Variants in ASH1L observed in about 807,000 individuals in gnomAD.
ASH1L encodes the protein ASH1 like histone lysine methyltransferase, also known as histone-lysine N-methyltransferase ASH1L.
ASH1L carries 23 observed loss-of-function variants against 269.0 expected under a neutral mutation model. That is an observed-to-expected ratio of 0.09 (90% CI 0.06 to 0.12). ASH1L has a LOEUF of 0.12. ASH1L is among the 10% of genes least tolerant of loss of function. The pLI, the probability that ASH1L is intolerant of heterozygous loss-of-function variation, is 1.00. For synonymous variants in ASH1L, 1,187 were observed against 1,253.5 expected, an observed-to-expected ratio of 0.95 and a Z score of 1.12; for missense variants, 2,912 against 3,567.8, an observed-to-expected ratio of 0.82 and a Z score of 4.68.
intron 4 of ASH1L, among the ~76,000 whole-genome samples, chr1:155,458,769 G>T (rs757247218): frequency 2.0e-5 from 3 of 151,768 alleles, no homozygotes; most frequent in Non-Finnish European, 4.4e-5. Flanking sequence ...TCTTTAGTCT[G>T]ACCACACTGG....
At chr1:155,535,555 A>G (rs1669997044) in intron 1 of ASH1L, among the ~76,000 whole-genome samples, 1 of 151,918 alleles carries the variant, frequency 6.6e-6, no homozygotes, top group Non-Finnish European at 1.5e-5. Context: ...CCAAGGCAAT[A>G]GGACTGCTTG....
Position 155,562,686 on chromosome 1 carries a change from C to A in ASH1L, c.-633G>T. ...CGGCCGCCCCGCGCGCCAGCCAGCCCGTACGCGCTCACCCACAGGAACCCC... is the reference window on the plus strand; with the variant it reads ...CGGCCGCCCCGCGCGCCAGCCAGCCAGTACGCGCTCACCCACAGGAACCCC... On this transcript the variant is annotated 5_prime_UTR_variant, in exon 1 of 28. Coordinates refer to ENST00000392403, the MANE Select transcript of ASH1L (RefSeq NM_018489.3). 2.0e-6 allele frequency: 3 copies of A among 1,515,488 alleles called. No individual in the cohort carries two copies. Among genetic ancestry groups the A allele is most frequent in the South Asian group, 1.2e-5 (1 of 83,624 alleles). The allele number at this position is 1,515,488 out of a possible 1,614,324, so 93.9% of individuals were successfully genotyped here. A position where few individuals can be genotyped will look rare whatever the true frequency, so the allele number is the denominator to read the frequency against.
chr1:155,479,051 T>C lies in ASH1L; in HGVS notation c.3819A>G (p.Lys1273=). 6.2e-7 allele frequency: 1 copy of C among 1,614,072 alleles called. No homozygotes were observed. The highest frequency in any genetic ancestry group is 1.1e-5 in the South Asian group (1 of 91,076). The change falls in exon 3 of 28, where the codon AAA becomes AAG. Residue 1273 remains lysine, a synonymous_variant. Transcript: ENST00000392403. ...TATTTCGAAGCTGGGGATATTTCTT[T>C]TTCCGTTTTCGTTTCTGCCTTTTCA... The part of the protein sequence containing the change: ...DKMKRQKRKR[K]KKYPQLRNRQ...
rs190589266 is a variant in ASH1L, at chr1:155,449,819, G to A, written c.5086+9978C>T. ...CAGGCGTGAGCCACTGCGCCCAGCC[G>A]AGAAAAATGTGTTTTATATTTTCCC... On this transcript the variant is annotated intron_variant, in intron 4 of 27. Coordinates refer to ENST00000392403, the MANE Select transcript of ASH1L (RefSeq NM_018489.3). Among the ~76,000 whole-genome samples, 217 of 151,766 alleles carry A rather than the reference G, an allele frequency of 1.4e-3. 1 individual carries two copies. Among genetic ancestry groups the A allele is most frequent in the African/African-American group, 4.5e-3 (185 of 41,450 alleles).
chr1:155,415,991 TA>T (rs375529558), intron 5 of ASH1L, 68 bp from the exon 6 acceptor site: 23,512 of 1,011,512 alleles, frequency 0.023, 756 homozygotes, highest in African/African-American at 0.19. Context: ...ATTGTCTACT[TA>T]AAAAAAAAAA....
intron 5 of ASH1L, among the ~76,000 whole-genome samples, chr1:155,416,821 T>C (rs1026567506): frequency 6.6e-6 from 1 of 151,740 alleles, no homozygotes; most frequent in African/African-American, 2.4e-5. Context: ...CATGAGCCAC[T>C]GTGCCCAGCC....
chr1:155,374,048 G>C (rs1656213635), intron 10 of ASH1L, among the ~76,000 whole-genome samples: 1 of 152,192 alleles, frequency 6.6e-6, no homozygotes, highest in Admixed American at 6.5e-5. Flanking sequence ...AATTTTAAAG[G>C]CCGGGCACGG....
chr1:155,520,460 G>T (rs1458297175), intron 2 of ASH1L: 1 of 151,986 alleles, frequency 6.6e-6, no homozygotes, highest in Non-Finnish European at 1.5e-5. Context: ...ATTTAAATGG[G>T]CAAACTGTAT....
At chr1:155,513,472 G>A (rs1433301080) in intron 2 of ASH1L, among the ~76,000 whole-genome samples, 1 of 151,484 alleles carries the variant, frequency 6.6e-6, no homozygotes, top group African/African-American at 2.4e-5. Flanking sequence ...TCAAGAGGCT[G>A]AGATGGCAGA....
chr1:155,367,312 C>T (rs912784853), intron 12 of ASH1L, among the ~76,000 whole-genome samples: 1 of 152,106 alleles, frequency 6.6e-6, no homozygotes, highest in Non-Finnish European at 1.5e-5. Context: ...TTTTAAATTT[C>T]ACTTTCTACT....
intron 1 of ASH1L, among the ~76,000 whole-genome samples, chr1:155,549,496 G>A (rs1164156962): frequency 1.3e-5 from 2 of 151,842 alleles, no homozygotes; most frequent in Non-Finnish European, 2.9e-5. Flanking sequence ...AAATTAGCCA[G>A]GCACGGTAAT....
chr1:155,431,187 A>G (rs1661567127), intron 5 of ASH1L, among the ~76,000 whole-genome samples: 1 of 151,852 alleles, frequency 6.6e-6, no homozygotes, highest in Non-Finnish European at 1.5e-5. Flanking sequence ...CCTGGGCAAC[A>G]GAGCAAGATG....
In ASH1L at chr1:155,351,575, G is replaced by A. The variant is rs72704157; in HGVS notation, c.7366+1131C>T. On this transcript the variant is annotated intron_variant, in intron 17 of 27. Coordinates refer to ENST00000392403, the MANE Select transcript of ASH1L (RefSeq NM_018489.3). Reference sequence around the variant, plus strand: ...CTAAAACAATAAAAATAAAGGCCGGGCATGCTGGCTCACGCCTGTAATCCC... The same window carrying A: ...CTAAAACAATAAAAATAAAGGCCGGACATGCTGGCTCACGCCTGTAATCCC... 3.9e-3 allele frequency among the ~76,000 whole-genome samples: 587 copies of A among 152,026 alleles called. 2 individuals are homozygous for A. Among genetic ancestry groups the A allele is most frequent in the Non-Finnish European group, 5.6e-3 (382 of 67,978 alleles).
chr1:155,431,670 G>T (rs576288560), intron 5 of ASH1L, among the ~76,000 whole-genome samples: 1 of 152,274 alleles, frequency 6.6e-6, no homozygotes, highest in African/African-American at 2.4e-5. Flanking sequence ...AGGGATGGGG[G>T]TGGAGACGCT....
Position 155,364,415 on chromosome 1 carries a change from G to T in ASH1L, c.6687-4006C>A, listed in dbSNP as rs191257550. On this transcript the variant is annotated intron_variant, in intron 12 of 27. Coordinates refer to ENST00000392403, the MANE Select transcript of ASH1L (RefSeq NM_018489.3). ...TAGGTTGTGCCATTTTTTGAAAGTG[G>T]TTATACCAATTTACACTTCTACCAG... Among the ~76,000 whole-genome samples the T allele has an allele frequency of 3.8e-4, 58 of 152,208 alleles. 1 individual carries two copies. The highest frequency in any genetic ancestry group is 1.4e-3 in the African/African-American group (58 of 41,536).
In ASH1L at chr1:155,354,581, T is replaced by C. The variant is rs779876273; in HGVS notation, c.7105A>G (p.Ile2369Val). Residue 2369 changes from isoleucine (I) to valine (V), a missense_variant, in exon 16 of 28, where the codon ATT becomes GTT. Around this residue, in one of 13 missense-constraint regions of ASH1L, gnomAD observed 309 missense variants for 435.1 expected, o/e 0.71. Transcript: ENST00000392403. Reference protein sequence around the residue: ...HVFLVRNWEKIRQKQEEVKHT... With the variant: ...HVFLVRNWEKVRQKQEEVKHT... ...TTTACTTCCTCCTGTTTTTGACGAA[T>C]CTTCTCCCAGTTTCGGACCAAGAAT... is the stretch of plus-strand genomic sequence containing the variant. 14 of 1,614,070 alleles carry C rather than the reference T, an allele frequency of 8.7e-6. No homozygotes were observed. The highest frequency in any genetic ancestry group is 1.2e-5 in the Non-Finnish European group (14 of 1,180,014).
chr1:155,523,168 G>T (rs1161427486), intron 1 of ASH1L, among the ~76,000 whole-genome samples: 3 of 152,018 alleles, frequency 2.0e-5, no homozygotes, highest in Non-Finnish European at 4.4e-5. Context: ...TATTTTAAAC[G>T]ATGTGCCCTG....
chr1:155,389,664 C>A (rs1657751635), intron 7 of ASH1L, among the ~76,000 whole-genome samples: 1 of 152,142 alleles, frequency 6.6e-6, no homozygotes, highest in South Asian at 2.1e-4. Context: ...CAGAGCGAGA[C>A]TCCATCTCAA....
At chr1:155,426,413 G>A (rs1405666229) in intron 5 of ASH1L, among the ~76,000 whole-genome samples, 1 of 151,988 alleles carries the variant, frequency 6.6e-6, no homozygotes, top group South Asian at 2.1e-4. Context: ...GTGTTAGCCA[G>A]GATGGTCTCG....
Sources: allele counts gnomAD v4.1 joint callset (sites outside exome capture counted in the v4.1 genomes callset), GRCh38; gene constraint gnomAD v4.1.1; regional missense constraint gnomAD v4.1.1; transcripts MANE v1.5; gene names NCBI Gene and HGNC (gene_info 2026-07-23, HGNC 2026-07-21).